Variants in PER3 observed in about 807,000 individuals in gnomAD.
The protein encoded by PER3 is period circadian protein homolog 3.
Under a neutral mutation model 127.2 loss-of-function variants are expected in PER3, and 107 were observed. That is an observed-to-expected ratio of 0.84 (90% CI 0.72 to 0.99). PER3 has a LOEUF of 0.99. Among genes scored for constraint, PER3 ranks in the 50% least tolerant of loss-of-function variants. The pLI is 0.00. For missense variants in PER3, 1,560 were observed against 1,525.8 expected (o/e 1.02, Z -0.37); for synonymous variants, 618 against 585.8 (o/e 1.05, Z -0.79).
chr1:7,797,660 A>G (rs1267995788), intron 6 of PER3, among the ~76,000 whole-genome samples: 2 of 151,970 alleles, frequency 1.3e-5, no homozygotes, highest in Non-Finnish European at 2.9e-5. Flanking sequence ...AAAGAAAAAA[A>G]AGTGAGGTGG....
chr1:7,815,442 T>TTG (rs2097243497), intron 13 of PER3, among the ~76,000 whole-genome samples: 1 of 152,076 alleles, frequency 6.6e-6, no homozygotes, highest in Admixed American at 6.5e-5. Flanking sequence ...AAAGTAAACT[T>TTG]CAGAACAAGG....
chr1:7,839,016 T>C (rs193277707), intron 21 of PER3, among the ~76,000 whole-genome samples: 2,099 of 152,314 alleles, frequency 0.014, 35 homozygotes, highest in Non-Finnish European at 0.024. Context: ...GATTTTTTTT[T>C]CCCTCATTTG....
rs377679954 is a variant in PER3, at chr1:7,810,547, G to A, written c.1481G>A (p.Arg494His). 2.2e-5 allele frequency: 36 copies of A among 1,613,232 alleles called. No homozygotes were observed. Among genetic ancestry groups the A allele is most frequent in the Non-Finnish European group, 2.7e-5 (32 of 1,179,838 alleles). The change falls in exon 13 of 22, where the codon CGC becomes CAC. Residue 494 changes from arginine (R) to histidine (H), a missense_variant. Around this residue, in one of 3 missense-constraint regions of PER3, gnomAD observed 1,332 missense variants for 1,223.6 expected, o/e 1.09. Coordinates refer to ENST00000377532, the MANE Select transcript of PER3 (RefSeq NM_001377275.1). Reference sequence around the variant, plus strand: ...TCATTCAAGCCAGTGACGGGGACACGCACAGAACCGAATGGTGGTGGTGAG... The same window carrying A: ...TCATTCAAGCCAGTGACGGGGACACACACAGAACCGAATGGTGGTGGTGAG... ...KSSFKPVTGT[R>H]TEPNGGGESA... is the part of the protein sequence containing the mutation.
At position 7,784,884 on chromosome 1, in the gene PER3, C is replaced by G; in HGVS notation, c.7C>G (p.Arg3Gly). ...GCCCCGCGGAGACCTCGAGATGCCC[C>G]GCGGGGAAGCTCCTGGCCCCGGGAG... MP[R>G]GEAPGPGRRG... is the part of the protein sequence containing the mutation. Residue 3 changes from arginine to glycine, a missense_variant, in exon 2 of 22, where the codon CGC becomes GGC. Physicochemically the swap from Arg to Gly is moderately radical, Grantham distance 125. Around this residue, in one of 3 missense-constraint regions of PER3, gnomAD observed 1,332 missense variants for 1,223.6 expected, o/e 1.09. Transcript: ENST00000377532. The G allele has an allele frequency of 2.0e-6, 3 of 1,508,690 alleles. No individual in the cohort carries two copies. Among genetic ancestry groups the G allele is most frequent in the South Asian group, 1.4e-5 (1 of 74,070 alleles). The allele number at this position is 1,508,690 out of a possible 1,614,324, so 93.5% of individuals were successfully genotyped here. A position where few individuals can be genotyped will look rare whatever the true frequency, so the allele number is the denominator to read the frequency against.
At chr1:7,787,973 G>T in intron 4 of PER3, 72 bp from the exon 5 acceptor site, 1 of 1,141,716 alleles carries the variant, frequency 8.8e-7, no homozygotes, top group Non-Finnish European at 1.3e-6. Context: ...AGATCCAGAA[G>T]AAATTTACCT....
chr1:7,810,395 T>G lies in PER3; in HGVS notation c.1372-43T>G, dbSNP rs774626334. 3 of 1,437,230 alleles carry G rather than the reference T, an allele frequency of 2.1e-6. No homozygotes were observed. In the South Asian group the frequency reaches 3.9e-5, roughly 19 times the overall value. The allele number at this position is 1,437,230 out of a possible 1,614,324, so 89.0% of individuals were successfully genotyped here. A position where few individuals can be genotyped will look rare whatever the true frequency, so the allele number is the denominator to read the frequency against. On this transcript the variant is annotated intron_variant, in intron 12 of 21. Coordinates refer to ENST00000377532, the MANE Select transcript of PER3 (RefSeq NM_001377275.1). ...TGTTTATGTATCTTTTAGTGGACATTTTTATAATTTTTGAAACATATTTTA... is the reference window on the plus strand; with the variant it reads ...TGTTTATGTATCTTTTAGTGGACATGTTTATAATTTTTGAAACATATTTTA...
At position 7,826,654 on chromosome 1, in the gene PER3, A is replaced by G; in HGVS notation, c.2132A>G (p.Tyr711Cys). ...KFREKILSSP[Y>C]SSYLQQESRS... ...CGAGAAAAGATCCTGTCATCACCCTACAGCTCCTATCTTCAGCAAGAAAGC... is the reference window on the plus strand; with the variant it reads ...CGAGAAAAGATCCTGTCATCACCCTGCAGCTCCTATCTTCAGCAAGAAAGC... The change falls in exon 17 of 22, where the codon TAC becomes TGC. Residue 711 changes from tyrosine (Y) to cysteine (C), a missense_variant. Physicochemically the swap from Tyr to Cys is radical, Grantham distance 194. Coordinates refer to ENST00000377532, the MANE Select transcript of PER3 (RefSeq NM_001377275.1). This position sits in a 1 kb window ranked among gnomAD's most constrained non-coding sequence, Gnocchi z 4.2. 1.2e-6 allele frequency: 2 copies of G among 1,613,568 alleles called. No homozygotes were observed. The highest frequency in any genetic ancestry group is 1.3e-5 in the African/African-American group (1 of 75,038).
rs754342055 is a variant in PER3 at position 7,827,404 on chromosome 1, C to T, written c.2475C>T (p.Pro825=). 1.9e-6 allele frequency: 3 copies of T among 1,614,156 alleles called. No homozygotes were observed. Among genetic ancestry groups the T allele is most frequent in the Middle Eastern group, 1.6e-4 (1 of 6,062 alleles). The change falls in exon 18 of 22, where the codon CCC becomes CCT. Residue 825 remains proline, a synonymous_variant. Coordinates refer to ENST00000377532, the MANE Select transcript of PER3 (RefSeq NM_001377275.1). ...ATSPGREYAA[P]GTAPEGLHGL... Reference sequence around the variant, plus strand: ...CACCCGGAAGAGAATACGCAGCCCCCGGAACTGCACCGGAAGGCCTGCATG... The same window carrying T: ...CACCCGGAAGAGAATACGCAGCCCCTGGAACTGCACCGGAAGGCCTGCATG...
intron 19 of PER3, among the ~76,000 whole-genome samples, chr1:7,835,504 G>A (rs1301633194): frequency 6.6e-6 from 1 of 152,184 alleles, no homozygotes; most frequent in Non-Finnish European, 1.5e-5. Context: ...TGATTTTGGA[G>A]ATGGAGCGGT....
intron 13 of PER3, among the ~76,000 whole-genome samples, chr1:7,818,574 A>G (rs12734704): frequency 0.07 from 10,639 of 152,162 alleles, 542 homozygotes; most frequent in Middle Eastern, 0.21. Context: ...AGTCTCCTTT[A>G]TTGGCTCATT....
At position 7,786,902 on chromosome 1, in the gene PER3, A is replaced by T. The variant is rs746779119; in HGVS notation, c.390+66A>T. 4 of 879,516 alleles carry T rather than the reference A, an allele frequency of 4.5e-6. No homozygotes were observed. The African/African-American group carries it at 6.6e-5, about 15-fold the overall frequency. The allele number at this position is 879,516 out of a possible 1,614,324, so 54.5% of individuals were successfully genotyped here. On this transcript the variant is annotated intron_variant, in intron 4 of 21. Transcript: ENST00000377532. Reference sequence around the variant, plus strand: ...TTTCCTAAGGGCCTGCTCTAGATGTAGGCTTTTAAGAAGGATAACAACGTT... The same window carrying T: ...TTTCCTAAGGGCCTGCTCTAGATGTTGGCTTTTAAGAAGGATAACAACGTT...
intron 20 of PER3, chr1:7,836,702 C>CAAGT (rs2097360176): frequency 1.3e-5 from 3 of 234,752 alleles, no homozygotes; most frequent in Admixed American, 5.0e-5. Flanking sequence ...AGATGGCACA[C>CAAGT]AAGTACAAGA....
chr1:7,842,300 A>C (rs1323797667), intron 21 of PER3, among the ~76,000 whole-genome samples: 4 of 151,894 alleles, frequency 2.6e-5, no homozygotes, highest in Non-Finnish European at 2.9e-5. Flanking sequence ...CAGGGGTTCA[A>C]GACCAGCCTG....
At chr1:7,799,481 G>A (rs2097160288) in intron 7 of PER3, among the ~76,000 whole-genome samples, 1 of 151,968 alleles carries the variant, frequency 6.6e-6, no homozygotes, top group East Asian at 1.9e-4. Context: ...GCGTGTGCCT[G>A]TAATCCCAGC....
At position 7,800,808 on chromosome 1, in the gene PER3, T is replaced by C. The variant is rs554729225; in HGVS notation, c.794-305T>C. 1.7e-4 allele frequency among the ~76,000 whole-genome samples: 22 copies of C among 130,162 alleles called. No individual in the cohort carries two copies. The South Asian group carries it at 5.3e-3, about 31-fold the overall frequency. 85.4% of individuals were successfully genotyped at this position (130,162 alleles called of 152,430 possible). On this transcript the variant is annotated intron_variant, in intron 7 of 21. Transcript: ENST00000377532. ...TGCCACTGCACTCCAACCTGGGGGA[T>C]AGAGCAAGACTCTGTCTCCAAAAAA...
chr1:7,812,364 T>G (rs1048993104), intron 13 of PER3, among the ~76,000 whole-genome samples: 1 of 151,734 alleles, frequency 6.6e-6, no homozygotes, highest in Non-Finnish European at 1.5e-5. Context: ...CAGTGGCTCA[T>G]GCCTGTAATC....
chr1:7,788,010 T>C (rs202065261), intron 4 of PER3, 35 bp from the exon 5 acceptor site: 336 of 1,439,644 alleles, frequency 2.3e-4, no homozygotes, highest in Non-Finnish European at 3.1e-4. Context: ...AGTGAGTATC[T>C]CAATATTTGC....
At position 7,798,629 on chromosome 1, in the gene PER3, C is replaced by A; in HGVS notation, c.749C>A (p.Pro250His). ...HPAQPELESEPCCLTVVEKIH... is the reference protein window; with the variant it reads ...HPAQPELESEHCCLTVVEKIH... Reference sequence around the variant, plus strand: ...GCCCAGCCAGAATTGGAATCGGAACCTTGCTGTCTCACTGTGGTTGAAAAG... The same window carrying A: ...GCCCAGCCAGAATTGGAATCGGAACATTGCTGTCTCACTGTGGTTGAAAAG... The change falls in exon 7 of 22, where the codon CCT (proline) becomes CAT (histidine). Residue 250 changes from proline to histidine, a missense_variant. Pro to His is a moderately conservative substitution (Grantham distance 77). Transcript: ENST00000377532. 1 of 1,613,876 alleles carries A rather than the reference C, an allele frequency of 6.2e-7. No individual in the cohort carries two copies. Among genetic ancestry groups the A allele is most frequent in the Non-Finnish European group, 8.5e-7 (1 of 1,179,760 alleles).
rs1270266049 is a variant in PER3 at position 7,829,834 on chromosome 1, C to T, written c.2887C>T (p.Gln963Ter). The T allele has an allele frequency of 6.2e-7, 1 of 1,610,022 alleles. No homozygotes were observed. The highest frequency in any genetic ancestry group is 1.3e-5 in the African/African-American group (1 of 74,938). ...RRNTCPQTEY[Q>*]CVTGNNGSES... ...CTTTTCATGTGCCCTTACTTTCTAG[C>T]AGTGTGTTACAGGCAACAATGGCAG... The change falls in exon 19 of 22, where the codon CAG becomes TAG. Residue 963 changes from glutamine to a stop codon, truncating the protein, a stop_gained and splice_region_variant. Coordinates refer to ENST00000377532, the MANE Select transcript of PER3 (RefSeq NM_001377275.1). LOFTEE classifies it high-confidence loss of function.
Sources: allele counts gnomAD v4.1 joint callset (sites outside exome capture counted in the v4.1 genomes callset), GRCh38; gene constraint gnomAD v4.1.1; regional missense constraint gnomAD v4.1.1; non-coding constraint Gnocchi (gnomAD v3.1); transcripts MANE v1.5; gene names NCBI Gene and HGNC (gene_info 2026-07-23, HGNC 2026-07-21).